The following PCDHGA6 variants were observed in gnomAD, a reference collection of about 807,000 sequenced individuals.
The protein encoded by PCDHGA6 is protocadherin gamma subfamily A, 6, also known as protocadherin gamma-A6.
Under a neutral mutation model 60.6 loss-of-function variants are expected in PCDHGA6, and 41 were observed. That is an observed-to-expected ratio of 0.68 (90% CI 0.53 to 0.88). The LOEUF (loss-of-function observed/expected upper bound fraction) is 0.88, where lower values mean the gene tolerates loss of function less well. PCDHGA6 is among the 40% of genes least tolerant of loss of function. The pLI is 0.00. For missense variants in PCDHGA6, 1,312 were observed against 1,203.0 expected, an observed-to-expected ratio of 1.09 and a Z score of -1.34; for synonymous variants, 594 against 524.4, an observed-to-expected ratio of 1.13 and a Z score of -1.81.
chr5:141,403,791 A>C (rs1265792011), intron 1 of PCDHGA6: 4 of 1,613,782 alleles, frequency 2.5e-6, no homozygotes, highest in Non-Finnish European at 3.4e-6. Flanking sequence ...GTGGCATACA[A>C]ATTCTGGAAA....
rs1430260899 is a variant in PCDHGA6, at chr5:141,415,763, T to G, written c.2424+39256T>G. On this transcript the variant is annotated intron_variant, in intron 1 of 3. Transcript: ENST00000517434. ...AGGTTTTTTTTTTTTTTTTTTTTTT[T>G]TTTTTTTTTACTTTCTGGTAAAATT... is the stretch of plus-strand genomic sequence containing the variant. The G allele has an allele frequency of 1.1e-5, 15 of 1,398,354 alleles. No homozygotes were observed. The African/African-American group carries it at 2.1e-4, about 19-fold the overall frequency. 86.6% of individuals were successfully genotyped at this position (1,398,354 alleles called of 1,614,324 possible). A position where few individuals can be genotyped will look rare whatever the true frequency, so the allele number is the denominator to read the frequency against.
rs115565444 is a variant in PCDHGA6 at position 141,487,520 on chromosome 5, G to C, written c.2425-7287G>C. 1 of 1,614,166 alleles carries C rather than the reference G, an allele frequency of 6.2e-7. No individual in the cohort carries two copies. Among genetic ancestry groups the C allele is most frequent in the Non-Finnish European group, 8.5e-7 (1 of 1,180,042 alleles). ...CTTGGCTTCTGCACCCACTCGGAGT[G>C]ATAGCTTCATGATGGTGAAGTCACC... On this transcript the variant is annotated intron_variant, in intron 1 of 3. Coordinates refer to ENST00000517434, the MANE Select transcript of PCDHGA6 (RefSeq NM_018919.3). The surrounding 1 kb of genome is among the most constrained non-coding windows in gnomAD (Gnocchi z 5.0).
Position 141,461,919 on chromosome 5 carries a change from G to T in PCDHGA6, c.2425-32888G>T, listed in dbSNP as rs10060711. On this transcript the variant is annotated intron_variant, in intron 1 of 3. Transcript: ENST00000517434. Reference sequence around the variant, plus strand: ...GCTCACTGCAACCTCTGCCTCCTGGGTTCCAGCAATTCTCCTGCCTCAACC... The same window carrying T: ...GCTCACTGCAACCTCTGCCTCCTGGTTTCCAGCAATTCTCCTGCCTCAACC... 5.4e-3 allele frequency among the ~76,000 whole-genome samples: 815 copies of T among 152,214 alleles called. 11 individuals are homozygous for T. Among genetic ancestry groups the T allele is most frequent in the African/African-American group, 0.019 (780 of 41,542 alleles).
chr5:141,379,889 C>CTTTTTGTTTTTTTTTTTTT (rs1775944261), intron 1 of PCDHGA6, among the ~76,000 whole-genome samples: 1 of 50,830 alleles, frequency 2.0e-5, no homozygotes, highest in Non-Finnish European at 3.9e-5. Flanking sequence ...GTGAAAGCCT[C>CTTTTTGTTTTTTTTTTTTT]TTTTTTTTTT....
At chr5:141,472,176 G>C (rs1416695177) in intron 1 of PCDHGA6, among the ~76,000 whole-genome samples, 3 of 152,144 alleles carry the variant, frequency 2.0e-5, no homozygotes, top group Non-Finnish European at 2.9e-5. Context: ...GTAATATCCA[G>C]TATTGGAATT....
intron 1 of PCDHGA6, chr5:141,391,631 G>C (rs913626630): frequency 6.6e-6 from 1 of 152,170 alleles, no homozygotes; most frequent in African/African-American, 2.4e-5. Flanking sequence ...GAAAGTTTTA[G>C]TCAGTGAAAA....
chr5:141,410,730 C>CT (rs1191642079), intron 1 of PCDHGA6: 2 of 1,347,822 alleles, frequency 1.5e-6, no homozygotes, highest in Admixed American at 2.5e-5. Context: ...AAATCCATAG[C>CT]TTTTTACAAT....
chr5:141,415,901 C>A, intron 1 of PCDHGA6: 1 of 847,932 alleles, frequency 1.2e-6, no homozygotes, highest in Non-Finnish European at 1.6e-6. Context: ...CTAAGACAGA[C>A]TTCCATACAG....
At chr5:141,410,170 C>A in intron 1 of PCDHGA6, 1 of 1,613,828 alleles carries the variant, frequency 6.2e-7, no homozygotes, top group African/African-American at 1.3e-5. Context: ...CACTCTCTGC[C>A]ACCGCCACGC....
intron 1 of PCDHGA6, among the ~76,000 whole-genome samples, chr5:141,435,105 G>C (rs1046201852): frequency 2.6e-5 from 4 of 151,940 alleles, no homozygotes; most frequent in African/African-American, 9.7e-5. Flanking sequence ...TATCTAGGGG[G>C]GAGAAATCTA....
intron 1 of PCDHGA6, chr5:141,395,376 T>G (rs1589259426): frequency 1.7e-6 from 2 of 1,180,196 alleles, no homozygotes; most frequent in East Asian, 5.2e-5. Flanking sequence ...TTTGGTGGTG[T>G]TACTATAAAA....
intron 1 of PCDHGA6, among the ~76,000 whole-genome samples, chr5:141,475,520 C>T (rs2099364531): frequency 6.6e-6 from 1 of 152,204 alleles, no homozygotes; most frequent in Non-Finnish European, 1.5e-5. Context: ...CACGGAAATG[C>T]TAAATGCCTC....
chr5:141,425,394 G>T (rs186813737), intron 1 of PCDHGA6, among the ~76,000 whole-genome samples: 10 of 152,302 alleles, frequency 6.6e-5, no homozygotes, highest in African/African-American at 2.4e-4. Context: ...TAGTGATAAA[G>T]TTCTGTTAAG....
intron 1 of PCDHGA6, chr5:141,387,617 T>C (rs1169967462): frequency 3.5e-6 from 2 of 570,390 alleles, no homozygotes; most frequent in African/African-American, 3.8e-5. Context: ...AGTTTCCTAG[T>C]GCTGACTCTG....
Position 141,490,867 on chromosome 5 carries a change from C to G in PCDHGA6, c.2425-3940C>G. ...GGGGGTTCGAGACTCCGGCTCTCCC[C>G]CATTGCATGCCAACACATCTCTGCA... On this transcript the variant is annotated intron_variant, in intron 1 of 3. Coordinates refer to ENST00000517434, the MANE Select transcript of PCDHGA6 (RefSeq NM_018919.3). This position sits in a 1 kb window ranked among gnomAD's most constrained non-coding sequence, Gnocchi z 5.4. 6.2e-7 allele frequency: 1 copy of G among 1,613,912 alleles called. No individual in the cohort carries two copies. The highest frequency in any genetic ancestry group is 8.5e-7 in the Non-Finnish European group (1 of 1,179,936).
chr5:141,401,171 G>A (rs1222326375), intron 1 of PCDHGA6, among the ~76,000 whole-genome samples: 1 of 152,054 alleles, frequency 6.6e-6, no homozygotes, highest in African/African-American at 2.4e-5. Context: ...GTGAAAACCC[G>A]TCTCTACTAA....
intron 1 of PCDHGA6, among the ~76,000 whole-genome samples, chr5:141,445,793 CAG>C (rs1466260011): frequency 6.6e-6 from 1 of 152,132 alleles, no homozygotes; most frequent in Admixed American, 6.5e-5. Context: ...AGGCTAGAAA[CAG>C]AAAATAAATA....
At position 141,489,985 on chromosome 5, in the gene PCDHGA6, G is replaced by A. The variant is rs761481986; in HGVS notation, c.2425-4822G>A. ...AACCTTCCAATCCTCAGTTCTACGT[G>A]TGGGAATCCCAGAGAATGCACCCAT... On this transcript the variant is annotated intron_variant, in intron 1 of 3. Transcript: ENST00000517434. The surrounding 1 kb of genome is among the most constrained non-coding windows in gnomAD (Gnocchi z 4.5). The A allele has an allele frequency of 1.2e-6, 2 of 1,614,094 alleles. No homozygotes were observed. Among genetic ancestry groups the A allele is most frequent in the African/African-American group, 2.7e-5 (2 of 74,946 alleles).
At chr5:141,393,777 G>A (rs1388423635) in intron 1 of PCDHGA6, 2 of 1,613,916 alleles carry the variant, frequency 1.2e-6, no homozygotes, top group East Asian at 2.2e-5. Context: ...AATACAAGCC[G>A]AAGATGTGGG....
Sources: gnomAD v4.1 joint callset for allele counts (sites outside exome capture counted in the v4.1 genomes callset) on GRCh38, gnomAD v4.1.1 for gene constraint, Gnocchi (gnomAD v3.1) non-coding constraint, MANE v1.5 for transcripts, NCBI Gene and HGNC (gene_info 2026-07-23, HGNC 2026-07-21) for gene names.